The following PTPRD variants were observed in gnomAD, a reference collection of about 807,000 sequenced individuals.
PTPRD encodes receptor-type tyrosine-protein phosphatase delta.
PTPRD carries 34 observed loss-of-function variants against 214.5 expected under a neutral mutation model. The observed-to-expected ratio is 0.16, with a 90% CI of 0.12 to 0.21. The LOEUF (loss-of-function observed/expected upper bound fraction) is 0.21, where lower values mean the gene tolerates loss of function less well. Among genes scored for constraint, PTPRD ranks in the 10% least tolerant of loss-of-function variants. The pLI is 1.00. For missense variants in PTPRD, 2,545 were observed against 2,398.7 expected (o/e 1.06, Z -1.27); for synonymous variants, 1,128 against 845.7 (o/e 1.33, Z -5.79).
intron 14 of PTPRD, among the ~76,000 whole-genome samples, chr9:8,531,825 TC>T (rs1177806691): frequency 6.6e-6 from 1 of 152,088 alleles, no homozygotes; most frequent in African/African-American, 2.4e-5. Flanking sequence ...TACTAAAGGC[TC>T]TTACCAAAGA....
intron 9 of PTPRD, among the ~76,000 whole-genome samples, chr9:9,372,766 A>G (rs1380797578): frequency 6.6e-6 from 1 of 151,922 alleles, no homozygotes; most frequent in Non-Finnish European, 1.5e-5. Context: ...GTTCCTTTCC[A>G]TGTTTAGTGC....
At chr9:8,865,709 T>A (rs552843849) in intron 11 of PTPRD, among the ~76,000 whole-genome samples, 1 of 152,108 alleles carries the variant, frequency 6.6e-6, no homozygotes, top group Non-Finnish European at 1.5e-5. Flanking sequence ...CTGCAAAATA[T>A]GATAGCATGT....
At chr9:10,433,502 T>A (rs73406173) in intron 2 of PTPRD, among the ~76,000 whole-genome samples, 6,329 of 152,006 alleles carry the variant, frequency 0.042, 456 homozygotes, top group African/African-American at 0.14. Context: ...CAGTTACGTA[T>A]ATTACAGCAT....
intron 11 of PTPRD, among the ~76,000 whole-genome samples, chr9:8,907,530 AAAAAT>A (rs1186478453): frequency 1.2e-4 from 17 of 136,650 alleles, no homozygotes; most frequent in African/African-American, 4.3e-4. Context: ...AAAAAAAAAA[AAAAAT>A]ATATATATAT....
At chr9:9,962,327 A>G (rs571166885) in intron 4 of PTPRD, among the ~76,000 whole-genome samples, 1 of 152,214 alleles carries the variant, frequency 6.6e-6, no homozygotes, top group East Asian at 1.9e-4. Flanking sequence ...AGTTATAGAG[A>G]AACACAATAA....
At chr9:8,541,106 A>G (rs1441318161) in intron 14 of PTPRD, among the ~76,000 whole-genome samples, 2 of 152,220 alleles carry the variant, frequency 1.3e-5, no homozygotes, top group Non-Finnish European at 2.9e-5. Flanking sequence ...AAGATAACTT[A>G]TATGTCTCAG....
chr9:9,139,543 G>A (rs543569924), intron 10 of PTPRD, among the ~76,000 whole-genome samples: 4 of 152,156 alleles, frequency 2.6e-5, no homozygotes, highest in South Asian at 4.2e-4. Context: ...CTGTGATACC[G>A]CGACAGTCGA....
At chr9:9,964,222 T>C (rs1314784824) in intron 4 of PTPRD, among the ~76,000 whole-genome samples, 1 of 152,142 alleles carries the variant, frequency 6.6e-6, no homozygotes, top group East Asian at 1.9e-4. Flanking sequence ...ATACTGAATT[T>C]AGTTTGGGAG....
chr9:9,243,792 C>A (rs1442875002), intron 9 of PTPRD, among the ~76,000 whole-genome samples: 2 of 152,090 alleles, frequency 1.3e-5, no homozygotes, highest in Admixed American at 6.6e-5. Context: ...CTGGCCAGGG[C>A]TATCAGGCAG....
chr9:9,914,431 G>A (rs942461089), intron 5 of PTPRD, among the ~76,000 whole-genome samples: 1 of 152,140 alleles, frequency 6.6e-6, no homozygotes, highest in African/African-American at 2.4e-5. Flanking sequence ...GAGTAGCCGT[G>A]TAGCCACGTC....
intron 2 of PTPRD, among the ~76,000 whole-genome samples, chr9:10,490,511 T>G (rs2039855262): frequency 6.6e-6 from 1 of 152,194 alleles, no homozygotes; most frequent in Admixed American, 6.5e-5. Context: ...CCTTCTCAAA[T>G]CAGTCTGTCA....
intron 2 of PTPRD, among the ~76,000 whole-genome samples, chr9:10,514,416 T>C (rs2049305504): frequency 6.6e-6 from 1 of 151,518 alleles, no homozygotes; most frequent in Admixed American, 6.6e-5. Context: ...TAATCATATA[T>C]AGTATATATA....
chr9:8,428,365 T>A (rs2094827055), intron 35 of PTPRD, among the ~76,000 whole-genome samples: 1 of 152,182 alleles, frequency 6.6e-6, no homozygotes, highest in South Asian at 2.1e-4. Context: ...ATTTCATCCA[T>A]CCCAGGTACA....
At chr9:8,782,658 C>T (rs868677900) in intron 11 of PTPRD, among the ~76,000 whole-genome samples, 4 of 147,148 alleles carry the variant, frequency 2.7e-5, no homozygotes, top group Middle Eastern at 3.7e-3. Flanking sequence ...AGTGCAGTGG[C>T]ACAATCTCGG....
At chr9:9,607,025 G>C (rs16929907) in intron 7 of PTPRD, among the ~76,000 whole-genome samples, 1,943 of 112,654 alleles carry the variant, frequency 0.017, 62 homozygotes, top group African/African-American at 0.062. Flanking sequence ...CCATGTCACC[G>C]ACCAGCATAA....
chr9:9,707,839 A>C (rs1413075309), intron 7 of PTPRD, among the ~76,000 whole-genome samples: 4 of 152,068 alleles, frequency 2.6e-5, no homozygotes. Context: ...ATTTGTCCAC[A>C]CAATCAATGA....
At chr9:8,824,082 G>A (rs768686656) in intron 11 of PTPRD, among the ~76,000 whole-genome samples, 4 of 152,316 alleles carry the variant, frequency 2.6e-5, no homozygotes, top group Non-Finnish European at 4.4e-5. Flanking sequence ...CCACTTTGGT[G>A]TTGGTGGGTT....
At chr9:9,715,325 T>C (rs1415325589) in intron 7 of PTPRD, among the ~76,000 whole-genome samples, 1 of 152,204 alleles carries the variant, frequency 6.6e-6, no homozygotes, top group Non-Finnish European at 1.5e-5. Context: ...ATACAGTTAA[T>C]GCTCTGTAAA....
chr9:8,676,067 A>T (rs1003732430), intron 12 of PTPRD, among the ~76,000 whole-genome samples: 1 of 152,190 alleles, frequency 6.6e-6, no homozygotes, highest in African/African-American at 2.4e-5. Flanking sequence ...CCTATACAAT[A>T]ACCACAGCAA....
Sources: allele counts gnomAD v4.1 joint callset (sites outside exome capture counted in the v4.1 genomes callset), GRCh38; gene constraint gnomAD v4.1.1; transcripts MANE v1.5; gene names NCBI Gene and HGNC (gene_info 2026-07-23, HGNC 2026-07-21).